The following PKIB variants were observed in gnomAD, a reference collection of about 807,000 sequenced individuals.
The protein encoded by PKIB is cAMP-dependent protein kinase inhibitor beta.
In PKIB, 2 loss-of-function variants were observed where a neutral mutation model predicts 4.5. The observed-to-expected ratio is 0.44, with a 90% confidence interval of 0.18 to 1.39. PKIB has a LOEUF of 1.39. Among genes scored for constraint, PKIB ranks in the 40% most tolerant of loss-of-function variants. The pLI, the probability that PKIB is intolerant of heterozygous loss-of-function variation, is 0.27. For synonymous variants in PKIB, 38 were observed against 36.0 expected (o/e 1.06, Z -0.20); for missense variants, 94 against 92.6 (o/e 1.02, Z -0.06).
chr6:122,720,968 C>T (rs185315450), intron 4 of PKIB, among the ~76,000 whole-genome samples: 2 of 152,318 alleles, frequency 1.3e-5, no homozygotes, highest in Admixed American at 1.3e-4. Flanking sequence ...TCCCAAAGTG[C>T]TGGGGTTACA....
chr6:122,665,196 A>G (rs1777170099), intron 2 of PKIB, among the ~76,000 whole-genome samples: 2 of 148,438 alleles, frequency 1.3e-5, no homozygotes, highest in South Asian at 2.1e-4. Context: ...TGCTTAGTAA[A>G]GATAAGTAGG....
intron 2 of PKIB, chr6:122,482,564 T>G (rs1300769349): frequency 2.1e-5 from 3 of 141,064 alleles, no homozygotes; most frequent in African/African-American, 7.6e-5. Flanking sequence ...TTTTTTTTTT[T>G]TTTGCAGATG....
chr6:122,497,199 A>G (rs1776096534), intron 2 of PKIB, among the ~76,000 whole-genome samples: 1 of 152,208 alleles, frequency 6.6e-6, no homozygotes, highest in Admixed American at 6.5e-5. Flanking sequence ...TTACCTCTAG[A>G]CCAGCCTTAC....
chr6:122,566,400 CA>C (rs1381329082), intron 2 of PKIB, among the ~76,000 whole-genome samples: 1 of 151,966 alleles, frequency 6.6e-6, no homozygotes, highest in African/African-American at 2.4e-5. Context: ...AATTATTTCA[CA>C]AGATTTTTTT....
chr6:122,485,906 A>G (rs900760136), intron 2 of PKIB, among the ~76,000 whole-genome samples: 2 of 152,172 alleles, frequency 1.3e-5, no homozygotes, highest in Non-Finnish European at 2.9e-5. Context: ...TTGTCACCAA[A>G]AATTGTCTCT....
At chr6:122,701,578 G>T in intron 3 of PKIB, 1 of 1,502,230 alleles carries the variant, frequency 6.7e-7, no homozygotes, top group Non-Finnish European at 9.1e-7. Context: ...GTGCCACATA[G>T]GCCATAGCTC....
At chr6:122,525,579 C>T (rs1777071701) in intron 2 of PKIB, among the ~76,000 whole-genome samples, 1 of 152,142 alleles carries the variant, frequency 6.6e-6, no homozygotes, top group African/African-American at 2.4e-5. Flanking sequence ...GTTTTGGTTT[C>T]ACAGCACATA....
chr6:122,635,559 A>C (rs906623160), intron 2 of PKIB, among the ~76,000 whole-genome samples: 9 of 151,656 alleles, frequency 5.9e-5, no homozygotes, highest in Admixed American at 1.3e-4. Context: ...AAAAAAAAAA[A>C]AAACTAAAAA....
chr6:122,702,691 A>C lies in PKIB; in HGVS notation c.-8-15096A>C, dbSNP rs9388121. 1.1e-3 allele frequency among the ~76,000 whole-genome samples: 170 copies of C among 152,264 alleles called. 2 individuals carry two copies. The East Asian group carries it at 0.029, about 26-fold the overall frequency. ...GAAGCAACCAAAGAAATAAGTCTCCATGAGAAAGATTCGACAAAAACGGTA... is the reference window on the plus strand; with the variant it reads ...GAAGCAACCAAAGAAATAAGTCTCCCTGAGAAAGATTCGACAAAAACGGTA... On this transcript the variant is annotated intron_variant, in intron 3 of 4. Transcript: ENST00000368452.
At chr6:122,649,254 C>A (rs532750255) in intron 2 of PKIB, among the ~76,000 whole-genome samples, 1 of 152,138 alleles carries the variant, frequency 6.6e-6, no homozygotes. Context: ...TAGTCTTGTA[C>A]GTCTGGCCAT....
chr6:122,649,418 T>C (rs1776459197), intron 2 of PKIB, among the ~76,000 whole-genome samples: 1 of 152,166 alleles, frequency 6.6e-6, no homozygotes, highest in African/African-American at 2.4e-5. Flanking sequence ...CATTGGCATA[T>C]CATGCAAGAC....
chr6:122,568,827 G>A (rs1405724561), intron 2 of PKIB, among the ~76,000 whole-genome samples: 2 of 152,260 alleles, frequency 1.3e-5, no homozygotes. Context: ...AGGGATAGGT[G>A]TGGCCAGAAA....
chr6:122,715,670 C>T (rs575161700), intron 3 of PKIB, among the ~76,000 whole-genome samples: 1 of 124,944 alleles, frequency 8.0e-6, no homozygotes, highest in Non-Finnish European at 1.9e-5. Context: ...TATATACATA[C>T]ACATATATAT....
chr6:122,491,958 A>C (rs111394735), intron 2 of PKIB, among the ~76,000 whole-genome samples: 1,909 of 152,308 alleles, frequency 0.013, 46 homozygotes, highest in African/African-American at 0.044. Flanking sequence ...TGAGTACTGA[A>C]AGCCCTTTGT....
intron 2 of PKIB, among the ~76,000 whole-genome samples, chr6:122,662,583 G>T (rs1777053361): frequency 6.6e-6 from 1 of 151,896 alleles, no homozygotes; most frequent in African/African-American, 2.4e-5. Flanking sequence ...GCCTCCCAAA[G>T]TGCTGGGATT....
upstream of PKIB, among the ~76,000 whole-genome samples, chr6:122,609,312 C>A (rs1334269049): frequency 6.6e-6 from 1 of 152,156 alleles, no homozygotes; most frequent in South Asian, 2.1e-4. Context: ...AGCTATTTAG[C>A]CTTGTTCAAA....
chr6:122,486,583 A>AT (rs935549531), intron 2 of PKIB, among the ~76,000 whole-genome samples: 3 of 150,738 alleles, frequency 2.0e-5, no homozygotes, highest in African/African-American at 7.3e-5. Flanking sequence ...TGTGTGTATG[A>AT]TTTTTTTTCT....
chr6:122,694,988 G>T (rs111846851), intron 3 of PKIB, among the ~76,000 whole-genome samples: 110 of 152,296 alleles, frequency 7.2e-4, no homozygotes, highest in African/African-American at 2.6e-3. Flanking sequence ...ATCTAATACA[G>T]TAGAGGGTTC....
intron 2 of PKIB, among the ~76,000 whole-genome samples, chr6:122,652,449 G>C (rs1353484565): frequency 6.6e-6 from 1 of 151,968 alleles, no homozygotes; most frequent in Non-Finnish European, 1.5e-5. Flanking sequence ...GGAAACTTAA[G>C]CTGCATGTTT....
Sources: gnomAD v4.1 joint callset for allele counts (sites outside exome capture counted in the v4.1 genomes callset) on GRCh38, gnomAD v4.1.1 for gene constraint, MANE v1.5 for transcripts, NCBI Gene and HGNC (gene_info 2026-07-23, HGNC 2026-07-21) for gene names.